Variants in TDRD12 observed in about 807,000 individuals in gnomAD.
The protein encoded by TDRD12 is putative ATP-dependent RNA helicase TDRD12.
In TDRD12, 158 loss-of-function variants were observed where a neutral mutation model predicts 133.5. The ratio of observed to expected loss-of-function variants is 1.18; its 90% CI spans 1.04 to 1.35. The LOEUF is 1.35. Among genes scored for constraint, TDRD12 ranks in the 40% most tolerant of loss-of-function variants. The pLI, the probability that TDRD12 is intolerant of heterozygous loss-of-function variation, is 0.00. For synonymous variants in TDRD12, 460 were observed against 477.9 expected (o/e 0.96, Z 0.49); for missense variants, 1,443 against 1,321.3 (o/e 1.09, Z -1.43).
chr19:32,746,093 G>C (rs71351192), intron 4 of TDRD12, among the ~76,000 whole-genome samples: 23,266 of 134,152 alleles, frequency 0.17, 2,132 homozygotes, highest in East Asian at 0.2. Flanking sequence ...TGTGACAGAG[G>C]GGGAGAGAGA....
At chr19:32,761,328 C>T (rs2145564477) in intron 8 of TDRD12, among the ~76,000 whole-genome samples, 1 of 152,198 alleles carries the variant, frequency 6.6e-6, no homozygotes, top group East Asian at 1.9e-4. Context: ...GACGGGGTTT[C>T]ACCGTGTTAG....
intron 19 of TDRD12, among the ~76,000 whole-genome samples, chr19:32,802,138 GATATATATTATCATATAT>G (rs1164446492): frequency 7.1e-6 from 1 of 141,536 alleles, no homozygotes; most frequent in Admixed American, 7.1e-5. Context: ...TCATATATAT[GATATATATTATCATATAT>G]ATATATGATA....
exon 10 of TDRD12, chr19:32,828,269 G>T (rs1299549571): frequency 6.6e-6 from 1 of 152,176 alleles, no homozygotes; most frequent in Non-Finnish European, 1.5e-5. Context: ...TGGCACAAAG[G>T]TTGCTTTTTA....
intron 18 of TDRD12, among the ~76,000 whole-genome samples, 162 bp from the exon 19 acceptor site, chr19:32,801,594 T>C (rs547678672): frequency 1.8e-4 from 28 of 152,348 alleles, no homozygotes; most frequent in Non-Finnish European, 3.5e-4. Flanking sequence ...TTTGGAAATA[T>C]ATTTCAGTTT....
chr19:32,746,874 CTGTG>C (rs200638751), intron 4 of TDRD12, among the ~76,000 whole-genome samples: 1 of 135,654 alleles, frequency 7.4e-6, no homozygotes, highest in Non-Finnish European at 1.6e-5. Flanking sequence ...TGTGGTTATT[CTGTG>C]TGTGTGTGTG....
rs146066885 is a variant in TDRD12 at position 32,726,395 on chromosome 19, T to G, written c.25-5330T>G. 2.0e-5 allele frequency among the ~76,000 whole-genome samples: 3 copies of G among 152,270 alleles called. No homozygotes were observed. The East Asian group carries it at 5.8e-4, about 29-fold the overall frequency. On this transcript the variant is annotated intron_variant, in intron 1 of 27. Coordinates refer to ENST00000444215, the Ensembl canonical transcript of TDRD12. ...CACCCAGTCAAATACATTCATAATGTTGTGCAACCATCACCAATGTCCCTC... is the reference window on the plus strand; with the variant it reads ...CACCCAGTCAAATACATTCATAATGGTGTGCAACCATCACCAATGTCCCTC...
chr19:32,733,190 C>G (rs1390803903), intron 2 of TDRD12, among the ~76,000 whole-genome samples: 1 of 151,608 alleles, frequency 6.6e-6, no homozygotes, highest in African/African-American at 2.4e-5. Context: ...TATGCGTAGC[C>G]GGGCGTGGTG....
At chr19:32,753,762 C>G (rs925533222) in intron 6 of TDRD12, among the ~76,000 whole-genome samples, 4 of 151,192 alleles carry the variant, frequency 2.6e-5, no homozygotes, top group African/African-American at 4.9e-5. Context: ...CGTGATCCAC[C>G]TGTCTCGGCC....
chr19:32,730,440 G>T (rs1472020356), intron 1 of TDRD12, among the ~76,000 whole-genome samples: 1 of 152,022 alleles, frequency 6.6e-6, no homozygotes, highest in Non-Finnish European at 1.5e-5. Context: ...CTTGCTTTTG[G>T]TAGCTCTTCA....
chr19:32,772,253 G>A (rs577225280), intron 8 of TDRD12, among the ~76,000 whole-genome samples: 2 of 152,186 alleles, frequency 1.3e-5, no homozygotes, highest in African/African-American at 4.8e-5. Flanking sequence ...TCCCCACAGC[G>A]TCATGGCTGG....
At chr19:32,774,459 G>A (rs1256648574) in intron 10 of TDRD12, among the ~76,000 whole-genome samples, 1 of 150,518 alleles carries the variant, frequency 6.6e-6, no homozygotes, top group Non-Finnish European at 1.5e-5. Flanking sequence ...AACTCTTTCA[G>A]CTTTTTTTTT....
At chr19:32,805,729 C>CTTTTTTTTTTTTTTT (rs397860060) in intron 21 of TDRD12, among the ~76,000 whole-genome samples, 4 of 118,864 alleles carry the variant, frequency 3.4e-5, no homozygotes, top group Non-Finnish European at 6.9e-5. Flanking sequence ...TTTTTTTTAT[C>CTTTTTTTTTTTTTTT]TTTTTTTTTT....
At chr19:32,752,928 G>A (rs1969877272) in intron 6 of TDRD12, among the ~76,000 whole-genome samples, 1 of 151,718 alleles carries the variant, frequency 6.6e-6, no homozygotes, top group Admixed American at 6.6e-5. Context: ...GAGTAGCTGG[G>A]ACTACAGGCA....
intron 2 of TDRD12, 145 bp downstream of exon 2, chr19:32,732,028 G>A (rs1407244874): frequency 6.2e-6 from 5 of 807,214 alleles, no homozygotes; most frequent in Non-Finnish European, 9.3e-6. Flanking sequence ...TTTTGAGATG[G>A]AGTCTCGCTC....
chr19:32,756,202 T>C (rs1298976314), intron 7 of TDRD12, 21 bp downstream of exon 7: 5 of 1,396,554 alleles, frequency 3.6e-6, no homozygotes, highest in Admixed American at 3.8e-5. Context: ...TCTCATCATA[T>C]CAATTTCCCT....
chr19:32,761,651 A>G (rs1385847546), intron 8 of TDRD12, among the ~76,000 whole-genome samples: 1 of 152,136 alleles, frequency 6.6e-6, no homozygotes, highest in Non-Finnish European at 1.5e-5. Flanking sequence ...CTGTTGGTAT[A>G]TCTTCTCAGA....
intron 1 of TDRD12, among the ~76,000 whole-genome samples, chr19:32,722,765 C>T (rs907118344): frequency 2.6e-5 from 4 of 151,372 alleles, no homozygotes; most frequent in East Asian, 1.9e-4. Context: ...CTGCAACCTC[C>T]GCCTCCCGAG....
At chr19:32,724,602 A>G (rs1968800860) in intron 1 of TDRD12, among the ~76,000 whole-genome samples, 1 of 152,016 alleles carries the variant, frequency 6.6e-6, no homozygotes, top group Admixed American at 6.5e-5. Context: ...TATGTACCAA[A>G]TTTTCTTTAT....
chr19:32,803,859 C>G (rs1476922595), intron 21 of TDRD12, among the ~76,000 whole-genome samples: 1 of 152,032 alleles, frequency 6.6e-6, no homozygotes, highest in Non-Finnish European at 1.5e-5. Flanking sequence ...TGGCCATCCT[C>G]TTTTTGTGAA....
Sources: allele counts gnomAD v4.1 joint callset (sites outside exome capture counted in the v4.1 genomes callset), GRCh38; gene constraint gnomAD v4.1.1; transcripts MANE v1.5; gene names NCBI Gene and HGNC (gene_info 2026-07-23, HGNC 2026-07-21).